Variants in CRYL1 observed in about 807,000 individuals in gnomAD.
CRYL1 encodes crystallin lambda 1.
In CRYL1, 29 loss-of-function variants were observed where a neutral mutation model predicts 36.6. The observed-to-expected ratio is 0.79, with a 90% confidence interval of 0.59 to 1.08. CRYL1 has a LOEUF of 1.08. CRYL1 is among the 50% of genes least tolerant of loss of function. The probability of loss-of-function intolerance (pLI) is 0.00; values close to 1 mark genes in which losing one functional copy is unlikely to be tolerated. For missense variants in CRYL1, 411 were observed against 407.9 expected (o/e 1.01, Z -0.06); for synonymous variants, 152 against 151.5 (o/e 1.00, Z -0.02).
intron 5 of CRYL1, chr13:20,431,816 C>T: frequency 5.2e-6 from 7 of 1,351,562 alleles, no homozygotes; most frequent in Non-Finnish European, 6.7e-6. Context: ...GTTATTATGT[C>T]TAATGCTATG....
chr13:20,417,539 A>G (rs73160837), intron 5 of CRYL1, among the ~76,000 whole-genome samples: 1 of 152,156 alleles, frequency 6.6e-6, no homozygotes, highest in Non-Finnish European at 1.5e-5. Context: ...AGAAAAGATT[A>G]TTTAAAAATC....
chr13:20,412,919 A>C (rs2031560251), intron 6 of CRYL1, among the ~76,000 whole-genome samples: 1 of 152,156 alleles, frequency 6.6e-6, no homozygotes, highest in Admixed American at 6.5e-5. Flanking sequence ...TCAGTCCCCT[A>C]TCTTTTCGTC....
chr13:20,442,553 G>A (rs1356036382), intron 3 of CRYL1, among the ~76,000 whole-genome samples: 2 of 152,188 alleles, frequency 1.3e-5, no homozygotes, highest in Non-Finnish European at 2.9e-5. Context: ...GGGAGGACAG[G>A]CAGGGAAGAA....
At chr13:20,430,945 G>A (rs1482459898) in intron 5 of CRYL1, 7 of 985,312 alleles carry the variant, frequency 7.1e-6, no homozygotes, top group Non-Finnish European at 7.2e-6. Flanking sequence ...AATTCAAACC[G>A]CCGCCCTAAC....
rs1461382377 is a variant in CRYL1 at position 20,435,474 on chromosome 13, G to A, written c.439-3178C>T. On this transcript the variant is annotated intron_variant, in intron 4 of 7. Transcript: ENST00000298248. The surrounding 1 kb of genome is among the most constrained non-coding windows in gnomAD (Gnocchi z 4.0). ...AGGACCTTCGAGGTCTCCCGGCTGG[G>A]AAACAGTCTCCCTAACCACAGCCCT... Among the ~76,000 whole-genome samples, 1 of 152,158 alleles carries A rather than the reference G, an allele frequency of 6.6e-6. No individual in the cohort carries two copies. Among genetic ancestry groups the A allele is most frequent in the Non-Finnish European group, 1.5e-5 (1 of 68,022 alleles).
chr13:20,493,261 C>T (rs900945319), intron 2 of CRYL1, among the ~76,000 whole-genome samples: 1 of 152,226 alleles, frequency 6.6e-6, no homozygotes, highest in African/African-American at 2.4e-5. Flanking sequence ...GGACTGGACC[C>T]CACATGTGAA....
At chr13:20,496,997 G>T (rs958704598) in intron 2 of CRYL1, among the ~76,000 whole-genome samples, 1 of 152,106 alleles carries the variant, frequency 6.6e-6, no homozygotes. Flanking sequence ...ACTTAGGCAT[G>T]GGGTTAAGGA....
chr13:20,519,373 T>C (rs1323467821), intron 1 of CRYL1, among the ~76,000 whole-genome samples: 4 of 152,098 alleles, frequency 2.6e-5, no homozygotes, highest in South Asian at 2.1e-4. Context: ...ATTTGTGGGA[T>C]TGATGAAAGA....
chr13:20,470,525 A>G (rs1339175717), intron 3 of CRYL1, among the ~76,000 whole-genome samples: 6 of 152,226 alleles, frequency 3.9e-5, no homozygotes, highest in Non-Finnish European at 1.5e-5. Flanking sequence ...ACAACAGATG[A>G]GAACAGAAAG....
chr13:20,517,581 G>A (rs2034023495), intron 1 of CRYL1, among the ~76,000 whole-genome samples: 1 of 148,520 alleles, frequency 6.7e-6, no homozygotes, highest in African/African-American at 2.5e-5. Flanking sequence ...GGCAACAAGA[G>A]CAAAACTCCA....
intron 3 of CRYL1, among the ~76,000 whole-genome samples, chr13:20,451,203 G>A (rs1482386036): frequency 1.3e-5 from 2 of 151,498 alleles, no homozygotes; most frequent in Non-Finnish European, 2.9e-5. Flanking sequence ...AGAACTTAAA[G>A]TATAATTTAA....
At chr13:20,454,315 T>C (rs549603572) in intron 3 of CRYL1, among the ~76,000 whole-genome samples, 73 of 151,908 alleles carry the variant, frequency 4.8e-4, no homozygotes, top group African/African-American at 1.7e-3. Context: ...AATCAATCAA[T>C]GTCATTCATG....
At chr13:20,511,490 G>A (rs756109816) in intron 2 of CRYL1, among the ~76,000 whole-genome samples, 2 of 152,186 alleles carry the variant, frequency 1.3e-5, no homozygotes, top group African/African-American at 2.4e-5. Flanking sequence ...AGTTCTTAAT[G>A]TGTAAAACAA....
intron 3 of CRYL1, among the ~76,000 whole-genome samples, chr13:20,469,556 G>A (rs2137443447): frequency 6.6e-6 from 1 of 152,274 alleles, no homozygotes; most frequent in South Asian, 2.1e-4. Context: ...AGGCTGGGAG[G>A]GACTCGGGGT....
intron 2 of CRYL1, among the ~76,000 whole-genome samples, chr13:20,491,035 G>T (rs1229817069): frequency 1.3e-5 from 2 of 152,112 alleles, no homozygotes; most frequent in Admixed American, 6.5e-5. Flanking sequence ...CTCCCAAGTA[G>T]CAGGGACTAC....
rs1416076519 is a variant in CRYL1, at chr13:20,525,682, C to T, written c.41+72G>A. 9 of 1,254,416 alleles carry T rather than the reference C, an allele frequency of 7.2e-6. No individual in the cohort carries two copies. The highest frequency in any genetic ancestry group is 9.2e-6 in the Non-Finnish European group (9 of 980,634). 77.7% of individuals were successfully genotyped at this position (1,254,416 alleles called of 1,614,324 possible). A position where few individuals can be genotyped will look rare whatever the true frequency, so the allele number is the denominator to read the frequency against. The stretch of plus-strand genomic sequence containing the variant: ...CGACCCGGCGCCCACCCCGAGGGCC[C>T]CACGCGAGGGCACCACGTCCCCGGC... On this transcript the variant is annotated intron_variant, in intron 1 of 7. Coordinates refer to ENST00000298248, the MANE Select transcript of CRYL1 (RefSeq NM_015974.3). This position sits in a 1 kb window ranked among gnomAD's most constrained non-coding sequence, Gnocchi z 4.3.
At position 20,479,437 on chromosome 13, in the gene CRYL1, A is replaced by G. The variant is rs138167891; in HGVS notation, c.276+9933T>C. On this transcript the variant is annotated intron_variant, in intron 3 of 7. Coordinates refer to ENST00000298248, the MANE Select transcript of CRYL1 (RefSeq NM_015974.3). ...AAGAAAGTCACAAAAAGCATGGAAG[A>G]ATGAGATAGAGGGATGATCAACCAA... Among the ~76,000 whole-genome samples the G allele has an allele frequency of 9.5e-3, 1,451 of 152,302 alleles. 7 individuals are homozygous for G. The highest frequency in any genetic ancestry group is 0.015 in the African/African-American group (624 of 41,576).
intron 5 of CRYL1, among the ~76,000 whole-genome samples, chr13:20,416,215 A>T (rs552104746): frequency 6.6e-6 from 1 of 152,330 alleles, no homozygotes; most frequent in South Asian, 2.1e-4. Context: ...TCACCCTACC[A>T]CATGTTCACT....
At chr13:20,469,666 C>T (rs1156380685) in intron 3 of CRYL1, among the ~76,000 whole-genome samples, 1 of 152,160 alleles carries the variant, frequency 6.6e-6, no homozygotes, top group Non-Finnish European at 1.5e-5. Flanking sequence ...AGCAAGATGC[C>T]TGTATGACCT....
Sources: gnomAD v4.1 joint callset for allele counts (sites outside exome capture counted in the v4.1 genomes callset) on GRCh38, gnomAD v4.1.1 for gene constraint, Gnocchi (gnomAD v3.1) non-coding constraint, MANE v1.5 for transcripts, NCBI Gene and HGNC (gene_info 2026-07-23, HGNC 2026-07-21) for gene names.